Variants in ABI2 observed in about 807,000 individuals in gnomAD.
The protein encoded by ABI2 is abelson interactor 2.
A neutral mutation model predicts 59.2 loss-of-function variants in ABI2; 25 were observed. That is an observed-to-expected ratio of 0.42 (90% CI 0.31 to 0.59). The LOEUF (loss-of-function observed/expected upper bound fraction) is 0.59. ABI2 is among the 20% of genes least tolerant of loss of function. The probability of loss-of-function intolerance (pLI) is 0.14; values close to 1 mark genes in which losing one functional copy is unlikely to be tolerated. For missense variants in ABI2, 545 were observed against 681.8 expected, an observed-to-expected ratio of 0.80 and a Z score of 2.23; for synonymous variants, 213 against 235.5, an observed-to-expected ratio of 0.90 and a Z score of 0.87.
At chr2:203,376,733 C>CTTTTTT (rs370295013) in intron 2 of ABI2, among the ~76,000 whole-genome samples, 3 of 114,892 alleles carry the variant, frequency 2.6e-5, no homozygotes, top group African/African-American at 6.4e-5. Flanking sequence ...TTGGTCTTCC[C>CTTTTTT]TTTTTTTTTT....
intron 5 of ABI2, 146 bp from the exon 6 acceptor site, chr2:203,394,554 G>C: frequency 1.4e-6 from 1 of 731,852 alleles, no homozygotes; most frequent in Non-Finnish European, 2.2e-6. Context: ...TGATACATTA[G>C]TAAAGACTGA....
Position 203,427,471 on chromosome 2 carries a change from C to CT in ABI2, c.*129dup, listed in dbSNP as rs923527143. On this transcript the variant is annotated 3_prime_UTR_variant, in exon 12 of 12. Coordinates refer to ENST00000261018, the MANE Select transcript of ABI2 (RefSeq NM_001375670.1). The stretch of plus-strand genomic sequence containing the variant: ...AAGGATACAAATGATAAAAATTACA[C>CT]TTTTTTTTTTGGTTTATTCCCCAGT... The CT allele has an allele frequency of 0.017, 13,800 of 826,760 alleles. No homozygotes were observed. Among genetic ancestry groups the CT allele is most frequent in the South Asian group, 0.022 (801 of 36,752 alleles). The allele number at this position is 826,760 out of a possible 1,614,324, so 51.2% of individuals were successfully genotyped here.
At chr2:203,340,480 C>T (rs571798595) in intron 1 of ABI2, among the ~76,000 whole-genome samples, 8 of 152,140 alleles carry the variant, frequency 5.3e-5, no homozygotes, top group Admixed American at 3.3e-4. Flanking sequence ...GATGCTCCCA[C>T]CTTAGCCTTC....
intron 3 of ABI2, among the ~76,000 whole-genome samples, chr2:203,381,207 C>T (rs1243510042): frequency 6.6e-6 from 1 of 152,052 alleles, no homozygotes; most frequent in East Asian, 1.9e-4. Context: ...AAAATATACA[C>T]TGTAAATTTA....
At chr2:203,373,361 G>T (rs1015695308) in intron 2 of ABI2, among the ~76,000 whole-genome samples, 52 of 152,242 alleles carry the variant, frequency 3.4e-4, no homozygotes, top group Non-Finnish European at 6.9e-4. Context: ...CACTCGGCAG[G>T]CTGAGGCAGG....
rs766688017 is a variant in ABI2 at position 203,430,204 on chromosome 2, CTT to C, written c.*2858_*2859del. 2 of 151,738 alleles carry C rather than the reference CTT, an allele frequency of 1.3e-5. No individual in the cohort carries two copies. The highest frequency in any genetic ancestry group is 1.9e-4 in the East Asian group (1 of 5,186). The allele number at this position is 151,738 out of a possible 1,614,324, so 9.4% of individuals were successfully genotyped here. On this transcript the variant is annotated 3_prime_UTR_variant, in exon 12 of 12. Transcript: ENST00000261018. ...TTTTTGTTTTATTGTAAGTTTCCCTCTTTTTTTATAAATTAAAAGATGGTTGG... is the reference window on the plus strand; with the variant it reads ...TTTTTGTTTTATTGTAAGTTTCCCTCTTTTTATAAATTAAAAGATGGTTGG...
At chr2:203,333,563 G>T (rs1208902914) in intron 1 of ABI2, among the ~76,000 whole-genome samples, 1 of 152,132 alleles carries the variant, frequency 6.6e-6, no homozygotes, top group African/African-American at 2.4e-5. Flanking sequence ...ATTCCCCATA[G>T]ATTAAGATGA....
rs558221998 is a variant in ABI2, at chr2:203,398,906, G to C, written c.1033+1939G>C. On this transcript the variant is annotated intron_variant, in intron 8 of 11. Transcript: ENST00000261018. ...TCATTACATTTTATTGCTTAGTAGT[G>C]TTGTATTGTATGGGGATGTACCACA... is the stretch of plus-strand genomic sequence containing the variant. Among the ~76,000 whole-genome samples the C allele has an allele frequency of 3.3e-5, 5 of 152,198 alleles. No homozygotes were observed. In the East Asian group the frequency reaches 9.6e-4, roughly 29 times the overall value.
intron 1 of ABI2, among the ~76,000 whole-genome samples, chr2:203,354,844 C>T (rs990229747): frequency 7.9e-5 from 12 of 152,148 alleles, no homozygotes; most frequent in Admixed American, 3.3e-4. Flanking sequence ...ATCTTAGTAT[C>T]TTCTAAGACT....
At chr2:203,367,191 TTC>T (rs1329044111) in intron 2 of ABI2, 147 bp downstream of exon 2, 1 of 1,143,516 alleles carries the variant, frequency 8.7e-7, no homozygotes, top group East Asian at 3.0e-5. Flanking sequence ...TGTTTTTAGA[TTC>T]TGTCTTTTTG....
At chr2:203,383,927 T>G (rs2096290906) in intron 4 of ABI2, among the ~76,000 whole-genome samples, 1 of 152,190 alleles carries the variant, frequency 6.6e-6, no homozygotes, top group South Asian at 2.1e-4. Flanking sequence ...CTGTCATACT[T>G]TTTATACTTT....
Position 203,364,210 on chromosome 2 carries a change from C to CAGGCTCCTGAGT in ABI2, c.118-2664_118-2653dup, listed in dbSNP as rs534248651. Among the ~76,000 whole-genome samples the CAGGCTCCTGAGT allele has an allele frequency of 9.2e-5, 14 of 151,954 alleles. No homozygotes were observed. In the East Asian group the frequency reaches 2.3e-3, roughly 25 times the overall value. On this transcript the variant is annotated intron_variant, in intron 1 of 11. Transcript: ENST00000261018. ...CTGGGTTCAAGTGATTCTCCTGCCT[C>CAGGCTCCTGAGT]AGGCTCCTGAGTAGCTGGGATTACA...
At chr2:203,401,687 GAT>G (rs1251817366) in intron 8 of ABI2, among the ~76,000 whole-genome samples, 1 of 151,878 alleles carries the variant, frequency 6.6e-6, no homozygotes, top group African/African-American at 2.4e-5. Flanking sequence ...AAATTTTTTA[GAT>G]TTTAATTTTA....
intron 4 of ABI2, among the ~76,000 whole-genome samples, chr2:203,389,207 T>C (rs2096648904): frequency 6.6e-6 from 1 of 152,226 alleles, no homozygotes; most frequent in Non-Finnish European, 1.5e-5. Context: ...CCTCCGCTTA[T>C]TAATGAGAGG....
At chr2:203,379,058 A>G (rs2095916916) in intron 2 of ABI2, among the ~76,000 whole-genome samples, 1 of 152,176 alleles carries the variant, frequency 6.6e-6, no homozygotes, top group South Asian at 2.1e-4. Context: ...TGTACTAATT[A>G]CCTGTGTATG....
intron 2 of ABI2, among the ~76,000 whole-genome samples, chr2:203,377,999 T>G (rs1256995836): frequency 1.3e-5 from 2 of 152,378 alleles, no homozygotes; most frequent in Admixed American, 1.3e-4. Flanking sequence ...TATGCAAGCT[T>G]AACTTTTCTG....
intron 6 of ABI2, chr2:203,395,154 A>T (rs1005750299): frequency 1.4e-6 from 1 of 700,966 alleles, no homozygotes; most frequent in Non-Finnish European, 2.6e-6. Context: ...AACTTTACAG[A>T]TGAAAAACTA....
At chr2:203,365,120 AT>A (rs1474776437) in intron 1 of ABI2, among the ~76,000 whole-genome samples, 1 of 152,244 alleles carries the variant, frequency 6.6e-6, no homozygotes, top group African/African-American at 2.4e-5. Context: ...CATTTTAAAA[AT>A]ACAAATCAAC....
intron 1 of ABI2, among the ~76,000 whole-genome samples, chr2:203,336,141 T>G (rs2076336342): frequency 6.6e-6 from 1 of 152,222 alleles, no homozygotes. Flanking sequence ...CTTTGTTCCT[T>G]CTTATTACTG....
Sources: allele counts gnomAD v4.1 joint callset (sites outside exome capture counted in the v4.1 genomes callset), GRCh38; gene constraint gnomAD v4.1.1; transcripts MANE v1.5; gene names NCBI Gene and HGNC (gene_info 2026-07-23, HGNC 2026-07-21).